COL13A1: variants seen among roughly 807,000 people sequenced by gnomAD.
The protein encoded by COL13A1 is collagen alpha-1(XIII) chain.
A neutral mutation model predicts 130.9 loss-of-function variants in COL13A1; 89 were observed. The ratio of observed to expected loss-of-function variants is 0.68; its 90% confidence interval spans 0.57 to 0.81. The LOEUF (loss-of-function observed/expected upper bound fraction) is 0.81. Among genes scored for constraint, COL13A1 ranks in the 30% least tolerant of loss-of-function variants. COL13A1 has a pLI of 0.00. For synonymous variants in COL13A1, 402 were observed against 341.6 expected (o/e 1.18, Z -1.95); for missense variants, 879 against 934.6 (o/e 0.94, Z 0.78).
intron 2 of COL13A1, among the ~76,000 whole-genome samples, chr10:69,839,166 A>T (rs1480837308): frequency 6.6e-6 from 1 of 151,992 alleles, no homozygotes; most frequent in African/African-American, 2.4e-5. Context: ...GAGGTGACCC[A>T]TTCATTCATT....
chr10:69,928,768 A>C (rs968059801), intron 27 of COL13A1, among the ~76,000 whole-genome samples, 169 bp from the exon 28 acceptor site: 20 of 152,242 alleles, frequency 1.3e-4, no homozygotes, highest in Non-Finnish European at 2.5e-4. Flanking sequence ...TATGTTTTGC[A>C]TTTTGGGTTC....
At chr10:69,936,725 T>A (rs758651272) in intron 32 of COL13A1, 31 bp from the exon 33 acceptor site, 3 of 1,613,662 alleles carry the variant, frequency 1.9e-6, no homozygotes, top group Non-Finnish European at 1.7e-6. Flanking sequence ...GAGATGCAGT[T>A]CTAATGCACC....
chr10:69,879,112 C>T (rs564051909), intron 6 of COL13A1, among the ~76,000 whole-genome samples: 42 of 152,330 alleles, frequency 2.8e-4, no homozygotes, highest in African/African-American at 9.1e-4. Flanking sequence ...CTCATTTACA[C>T]GAGGCACAGA....
Position 69,919,180 on chromosome 10 carries a change from C to T in COL13A1, c.1026+92C>T, listed in dbSNP as rs531259587. Reference sequence around the variant, plus strand: ...TGCTGCTGTTTTGCTCTTGGTCCCCCTGAGGCTGGCCTGGGACTGGGGACC... The same window carrying T: ...TGCTGCTGTTTTGCTCTTGGTCCCCTTGAGGCTGGCCTGGGACTGGGGACC... On this transcript the variant is annotated intron_variant, in intron 20 of 40. Transcript: ENST00000645393. 160 of 1,548,112 alleles carry T rather than the reference C, an allele frequency of 1.0e-4. No homozygotes were observed. The African/African-American group carries it at 1.9e-3, about 19-fold the overall frequency.
rs1486415668 is a variant in COL13A1 at position 69,923,961 on chromosome 10, C to T, written c.1284+106C>T. ...GTATCCCTCAGGGCACAAGGCTGAC[C>T]GGCCATGACCACTGGCTTCCCTAAT... On this transcript the variant is annotated intron_variant, in intron 24 of 40. Coordinates refer to ENST00000645393, the MANE Select transcript of COL13A1 (RefSeq NM_001368882.1). The T allele has an allele frequency of 9.1e-6, 13 of 1,430,232 alleles. No individual in the cohort carries two copies. In the Admixed American group the frequency reaches 1.3e-4, roughly 14 times the overall value. The allele number at this position is 1,430,232 out of a possible 1,614,324, so 88.6% of individuals were successfully genotyped here.
chr10:69,946,090 CA>C (rs772972376), intron 37 of COL13A1, among the ~76,000 whole-genome samples: 4,399 of 108,250 alleles, frequency 0.041, 72 homozygotes, highest in Middle Eastern at 0.12. Flanking sequence ...ACACACAAAC[CA>C]AAAAAAAAAA....
intron 1 of COL13A1, among the ~76,000 whole-genome samples, chr10:69,820,248 C>A (rs547640808): frequency 2.0e-5 from 3 of 152,318 alleles, no homozygotes; most frequent in South Asian, 2.1e-4. Context: ...TAGGGGTGTG[C>A]CCCATGAGGA....
Position 69,942,939 on chromosome 10 carries a change from C to T in COL13A1, c.1915-1186C>T, listed in dbSNP as rs562052907. On this transcript the variant is annotated intron_variant, in intron 35 of 40. Coordinates refer to ENST00000645393, the MANE Select transcript of COL13A1 (RefSeq NM_001368882.1). ...CTTGGCTCACTGCAACCTCCACCTC[C>T]GGGTTTCAAGCGATTCTCCTGCCTC... 5.9e-5 allele frequency among the ~76,000 whole-genome samples: 9 copies of T among 152,318 alleles called. No homozygotes were observed. The East Asian group carries it at 1.4e-3, about 23-fold the overall frequency.
intron 17 of COL13A1, among the ~76,000 whole-genome samples, chr10:69,912,553 AC>A (rs2063498056): frequency 1.3e-5 from 1 of 79,044 alleles, no homozygotes; most frequent in Non-Finnish European, 2.5e-5. Context: ...ACCGCCCCCC[AC>A]CCCCACCCCT....
chr10:69,812,853 C>A (rs534810933), intron 1 of COL13A1, among the ~76,000 whole-genome samples: 1 of 152,236 alleles, frequency 6.6e-6, no homozygotes, highest in Admixed American at 6.5e-5. Context: ...GTGCCTGGGC[C>A]CCTCACCTGG....
chr10:69,878,725 G>T (rs560039572), intron 6 of COL13A1, among the ~76,000 whole-genome samples: 2 of 152,128 alleles, frequency 1.3e-5, no homozygotes, highest in Non-Finnish European at 1.5e-5. Flanking sequence ...CAGGTGATCC[G>T]CCCACTTGTC....
chr10:69,898,674 C>T (rs200098320), intron 13 of COL13A1, 23 bp from the exon 14 acceptor site: 104 of 1,609,716 alleles, frequency 6.5e-5, no homozygotes, highest in Middle Eastern at 3.3e-4. Flanking sequence ...CCCTCTGGCC[C>T]TCCAACTCAT....
chr10:69,813,070 C>T (rs536686079), intron 1 of COL13A1, among the ~76,000 whole-genome samples: 1 of 152,360 alleles, frequency 6.6e-6, no homozygotes, highest in South Asian at 2.1e-4. Context: ...CCTCAGTCTG[C>T]TTTGCATAAC....
At chr10:69,807,760 G>C (rs1314121513) in intron 1 of COL13A1, among the ~76,000 whole-genome samples, 5 of 152,166 alleles carry the variant, frequency 3.3e-5, no homozygotes, top group African/African-American at 1.2e-4. Flanking sequence ...GCACAAGGTG[G>C]TACCAGAGGA....
intron 17 of COL13A1, among the ~76,000 whole-genome samples, chr10:69,908,533 A>C (rs1038321774): frequency 6.6e-6 from 1 of 152,184 alleles, no homozygotes; most frequent in African/African-American, 2.4e-5. Context: ...CTGGCATCAT[A>C]CCATGACAGG....
chr10:69,945,847 C>A, intron 37 of COL13A1, 123 bp downstream of exon 37: 17 of 1,222,872 alleles, frequency 1.4e-5, no homozygotes, highest in Non-Finnish European at 1.9e-5. Context: ...CCGAGGCGGG[C>A]GCATCACGAG....
intron 17 of COL13A1, among the ~76,000 whole-genome samples, chr10:69,915,634 A>G (rs575877794): frequency 2.0e-5 from 3 of 152,346 alleles, no homozygotes; most frequent in South Asian, 2.1e-4. Context: ...CACTCCCATC[A>G]AACAGCCTCT....
chr10:69,853,799 A>C (rs1388819368), intron 2 of COL13A1, among the ~76,000 whole-genome samples: 1 of 152,206 alleles, frequency 6.6e-6, no homozygotes, highest in African/African-American at 2.4e-5. Flanking sequence ...TGAAGGAAGC[A>C]GTGGACCATA....
At chr10:69,955,591 C>T (rs1261550109) in intron 39 of COL13A1, 1 of 152,374 alleles carries the variant, frequency 6.6e-6, no homozygotes, top group Admixed American at 6.5e-5. Flanking sequence ...CACAGAGGCT[C>T]CTCTCCCTCC....
Sources: gnomAD v4.1 joint callset for allele counts (sites outside exome capture counted in the v4.1 genomes callset) on GRCh38, gnomAD v4.1.1 for gene constraint, MANE v1.5 for transcripts, NCBI Gene and HGNC (gene_info 2026-07-23, HGNC 2026-07-21) for gene names.